The following SLC25A46 variants were observed in gnomAD, a reference collection of about 807,000 sequenced individuals.
SLC25A46 encodes mitochondrial outer membrane protein SLC25A46.
A neutral mutation model predicts 44.6 loss-of-function variants in SLC25A46; 39 were observed. The observed-to-expected ratio is 0.87, with a 90% CI of 0.68 to 1.14. SLC25A46 has a LOEUF of 1.14. SLC25A46 is among the 50% of genes most tolerant of loss of function. The pLI is 0.00. For synonymous variants in SLC25A46, 202 were observed against 185.8 expected, an observed-to-expected ratio of 1.09 and a Z score of -0.71; for missense variants, 547 against 522.7, an observed-to-expected ratio of 1.05 and a Z score of -0.45.
At chr5:110,758,232 G>A (rs1800162979) in intron 7 of SLC25A46, among the ~76,000 whole-genome samples, 1 of 151,728 alleles carries the variant, frequency 6.6e-6, no homozygotes, top group Non-Finnish European at 1.5e-5. Flanking sequence ...TTGACCCTCT[G>A]TTTTTTATCC....
rs1800352902 is a variant in SLC25A46 at position 110,764,939 on chromosome 5, CATA to C, written c.*3160_*3162del. The C allele has an allele frequency of 6.6e-6, 1 of 151,856 alleles. No homozygotes were observed. The highest frequency in any genetic ancestry group is 1.5e-5 in the Non-Finnish European group (1 of 67,892). 9.4% of individuals were successfully genotyped at this position (151,856 alleles called of 1,614,324 possible). A position where few individuals can be genotyped will look rare whatever the true frequency, so the allele number is the denominator to read the frequency against. On this transcript the variant is annotated 3_prime_UTR_variant, in exon 8 of 8. Transcript: ENST00000355943. ...CTCTTTTTCTCATATAAACGGAATG[CATA>C]ATGTCTTACTCTTGAGTCATTTAGT...
chr5:110,762,052 G>A lies in SLC25A46; in HGVS notation c.*270G>A, dbSNP rs1580871482. The A allele has an allele frequency of 3.5e-6, 1 of 285,520 alleles. No homozygotes were observed. The highest frequency in any genetic ancestry group is 6.0e-5 in the South Asian group (1 of 16,538). 17.7% of individuals were successfully genotyped at this position (285,520 alleles called of 1,614,324 possible). A position where few individuals can be genotyped will look rare whatever the true frequency, so the allele number is the denominator to read the frequency against. On this transcript the variant is annotated 3_prime_UTR_variant, in exon 8 of 8. Coordinates refer to ENST00000355943, the MANE Select transcript of SLC25A46 (RefSeq NM_138773.4). ...TCATGCTGAAGTAAACATGATCGTAGGCAGAAGCAAAATTTTATTATAAAA... is the reference window on the plus strand; with the variant it reads ...TCATGCTGAAGTAAACATGATCGTAAGCAGAAGCAAAATTTTATTATAAAA...
rs577472959 is a variant in SLC25A46, at chr5:110,746,998, T to G, written c.462+652T>G. Among the ~76,000 whole-genome samples the G allele has an allele frequency of 2.0e-5, 3 of 152,266 alleles. No individual in the cohort carries two copies. In the South Asian group the frequency reaches 6.2e-4, roughly 32 times the overall value. ...CTAAGAACTGCACACTACTAGATCT[T>G]AAAAGCTACAAGAGTACTGTTGAAG... On this transcript the variant is annotated intron_variant, in intron 4 of 7. Transcript: ENST00000355943.
At chr5:110,753,168 C>T (rs140013900) in intron 5 of SLC25A46, 3,064 of 152,084 alleles carry the variant, frequency 0.02, 33 homozygotes, top group African/African-American at 0.029. Flanking sequence ...TTGTTCAAAA[C>T]CAATTTGAAG....
At chr5:110,750,137 A>T (rs534302153) in intron 5 of SLC25A46, among the ~76,000 whole-genome samples, 3 of 151,830 alleles carry the variant, frequency 2.0e-5, no homozygotes, top group Admixed American at 6.6e-5. Context: ...TTCCAATGTG[A>T]TTGCTTTTGA....
chr5:110,745,122 A>G (rs1404312759), intron 3 of SLC25A46, among the ~76,000 whole-genome samples: 2 of 152,220 alleles, frequency 1.3e-5, no homozygotes, highest in Non-Finnish European at 2.9e-5. Flanking sequence ...GAAAATGTCA[A>G]GACAGTGAAA....
At chr5:110,739,931 TAA>T (rs531981056) in intron 1 of SLC25A46, among the ~76,000 whole-genome samples, 1 of 146,254 alleles carries the variant, frequency 6.8e-6, no homozygotes, top group Non-Finnish European at 1.5e-5. Flanking sequence ...ACACATAGGC[TAA>T]AAAAAAAAAG....
intron 4 of SLC25A46, 99 bp from the exon 5 acceptor site, chr5:110,748,064 T>A: frequency 1.4e-6 from 1 of 735,298 alleles, no homozygotes; most frequent in South Asian, 1.9e-5. Context: ...AGAATAATGT[T>A]TTATTGGAAA....
intron 7 of SLC25A46, among the ~76,000 whole-genome samples, chr5:110,758,686 A>C (rs1800173010): frequency 1.3e-5 from 2 of 151,862 alleles, no homozygotes; most frequent in Admixed American, 1.3e-4. Flanking sequence ...GGAGGCTGAG[A>C]TGGAAGAATC....
rs914878181 is a variant in SLC25A46 at position 110,761,845 on chromosome 5, T to G, written c.*63T>G. On this transcript the variant is annotated 3_prime_UTR_variant, in exon 8 of 8. Coordinates refer to ENST00000355943, the MANE Select transcript of SLC25A46 (RefSeq NM_138773.4). This position sits in a 1 kb window ranked among gnomAD's most constrained non-coding sequence, Gnocchi z 5.3. ...ATCTGGATAATTTGCTATGAAGTTA[T>G]GAGGGATACAAGTGAAATACTGGGG... The G allele has an allele frequency of 5.2e-6, 7 of 1,349,148 alleles. No homozygotes were observed. In the African/African-American group the frequency reaches 1.0e-4, roughly 20 times the overall value. The allele number at this position is 1,349,148 out of a possible 1,614,324, so 83.6% of individuals were successfully genotyped here. A position where few individuals can be genotyped will look rare whatever the true frequency, so the allele number is the denominator to read the frequency against.
chr5:110,760,460 C>T (rs987496253), intron 7 of SLC25A46, among the ~76,000 whole-genome samples: 1 of 152,116 alleles, frequency 6.6e-6, no homozygotes, highest in African/African-American at 2.4e-5. Flanking sequence ...TATTTCCCAT[C>T]TGACTAGAAG....
At chr5:110,741,859 G>T in intron 1 of SLC25A46, 188 bp from the exon 2 acceptor site, 1 of 517,540 alleles carries the variant, frequency 1.9e-6, no homozygotes, top group Non-Finnish European at 3.4e-6. Context: ...ATTTGCCACA[G>T]ACCCCAGCAG....
chr5:110,757,791 G>A (rs968524248), intron 7 of SLC25A46, among the ~76,000 whole-genome samples: 1 of 152,054 alleles, frequency 6.6e-6, no homozygotes, highest in African/African-American at 2.4e-5. Flanking sequence ...AAAAATGTCA[G>A]GAAGGTAATT....
At position 110,762,460 on chromosome 5, in the gene SLC25A46, C is replaced by T. The variant is rs763167191; in HGVS notation, c.*678C>T. On this transcript the variant is annotated 3_prime_UTR_variant, in exon 8 of 8. Coordinates refer to ENST00000355943, the MANE Select transcript of SLC25A46 (RefSeq NM_138773.4). The stretch of plus-strand genomic sequence containing the variant: ...CACCTTATTGCATAAAACAAAGTCA[C>T]GCGCTTTCTGCTTGAACATCAAAAT... 5.9e-5 allele frequency: 9 copies of T among 151,834 alleles called. No homozygotes were observed. The highest frequency in any genetic ancestry group is 2.2e-4 in the African/African-American group (9 of 41,464). The allele number at this position is 151,834 out of a possible 1,614,324, so 9.4% of individuals were successfully genotyped here. A position where few individuals can be genotyped will look rare whatever the true frequency, so the allele number is the denominator to read the frequency against.
At chr5:110,760,158 G>A (rs376880093) in intron 7 of SLC25A46, among the ~76,000 whole-genome samples, 21 of 152,140 alleles carry the variant, frequency 1.4e-4, no homozygotes, top group African/African-American at 4.8e-4. Flanking sequence ...TATTCCCCCA[G>A]TTCCTCTGGA....
At chr5:110,739,706 A>C (rs1192063344) in intron 1 of SLC25A46, among the ~76,000 whole-genome samples, 1 of 152,206 alleles carries the variant, frequency 6.6e-6, no homozygotes. Flanking sequence ...TTGGATTATT[A>C]ACTGTTCCCT....
intron 1 of SLC25A46, 22 bp downstream of exon 1, chr5:110,739,424 A>G: frequency 6.5e-7 from 1 of 1,530,842 alleles, no homozygotes. Flanking sequence ...GGGGACCGAC[A>G]CAGGGATGAG....
rs751778075 is a variant in SLC25A46, at chr5:110,761,410, C to G, written c.885C>G (p.Tyr295Ter). The change falls in exon 8 of 8, where the codon TAC becomes TAG. Residue 295 changes from tyrosine (Y) to a stop codon, truncating the protein, a stop_gained. Transcript: ENST00000355943. LOFTEE classifies it high-confidence loss of function. This position sits in a 1 kb window ranked among gnomAD's most constrained non-coding sequence, Gnocchi z 5.3. ...FVLLILKRKT[Y>*]NSHLAESTSP... Reference sequence around the variant, plus strand: ...TACTAATTCTAAAGAGAAAGACTTACAATAGCCACCTAGCTGAGAGCACTA... The same window carrying G: ...TACTAATTCTAAAGAGAAAGACTTAGAATAGCCACCTAGCTGAGAGCACTA... The G allele has an allele frequency of 6.2e-7, 1 of 1,613,660 alleles. No homozygotes were observed. The highest frequency in any genetic ancestry group is 8.5e-7 in the Non-Finnish European group (1 of 1,179,770).
chr5:110,755,055 A>T (rs1341637011), intron 5 of SLC25A46: 5 of 154,618 alleles, frequency 3.2e-5, no homozygotes, highest in Admixed American at 1.3e-4. Flanking sequence ...GTAATGTGTC[A>T]GCCTGCATTA....
Sources: allele counts gnomAD v4.1 joint callset (sites outside exome capture counted in the v4.1 genomes callset), GRCh38; gene constraint gnomAD v4.1.1; non-coding constraint Gnocchi (gnomAD v3.1); transcripts MANE v1.5; gene names NCBI Gene and HGNC (gene_info 2026-07-23, HGNC 2026-07-21).